MDGA2: variants seen among roughly 807,000 people sequenced by gnomAD.
The protein encoded by MDGA2 is MAM domain containing glycosylphosphatidylinositol anchor 2.
MDGA2 carries 40 observed loss-of-function variants against 117.8 expected under a neutral mutation model. The ratio of observed to expected loss-of-function variants is 0.34; its 90% CI spans 0.26 to 0.44. The LOEUF (loss-of-function observed/expected upper bound fraction) is 0.44. Ranked by LOEUF, MDGA2 falls within the 20% of genes least tolerant of loss-of-function variation. The probability of loss-of-function intolerance (pLI) is 1.00; values close to 1 mark genes in which losing one functional copy is unlikely to be tolerated. For missense variants in MDGA2, 1,123 were observed against 1,250.6 expected, an observed-to-expected ratio of 0.90 and a Z score of 1.54; for synonymous variants, 452 against 439.0, an observed-to-expected ratio of 1.03 and a Z score of -0.37.
chr14:47,269,206 AT>A (rs200987003), intron 2 of MDGA2, among the ~76,000 whole-genome samples: 1 of 150,670 alleles, frequency 6.6e-6, no homozygotes, highest in East Asian at 1.9e-4. Flanking sequence ...TTCCCTAAGC[AT>A]TTTTTTTTGG....
At chr14:47,130,547 G>A (rs1323509906) in intron 5 of MDGA2, among the ~76,000 whole-genome samples, 1 of 152,146 alleles carries the variant, frequency 6.6e-6, no homozygotes, top group Non-Finnish European at 1.5e-5. Flanking sequence ...ATGAACCAAT[G>A]TCATAGTTGA....
At chr14:47,360,415 T>C (rs1460767435) in intron 1 of MDGA2, among the ~76,000 whole-genome samples, 1 of 146,754 alleles carries the variant, frequency 6.8e-6, no homozygotes, top group Non-Finnish European at 1.5e-5. Context: ...AATTAAAAGA[T>C]GTGCAAAGGA....
At chr14:47,477,642 T>G (rs770500601) in intron 1 of MDGA2, among the ~76,000 whole-genome samples, 1 of 152,238 alleles carries the variant, frequency 6.6e-6, no homozygotes, top group African/African-American at 2.4e-5. Context: ...CCAAATTATA[T>G]GTAATATTTG....
intron 2 of MDGA2, among the ~76,000 whole-genome samples, chr14:47,281,639 A>G (rs543967623): frequency 6.6e-6 from 1 of 152,304 alleles, no homozygotes; most frequent in South Asian, 2.1e-4. Context: ...ACATATTTCA[A>G]CTAATGATTT....
At chr14:47,469,781 G>C (rs923046228) in intron 1 of MDGA2, among the ~76,000 whole-genome samples, 1 of 152,086 alleles carries the variant, frequency 6.6e-6, no homozygotes, top group Admixed American at 6.6e-5. Context: ...CAGTGTAAAA[G>C]TGTTCCTATT....
chr14:47,496,826 C>T (rs1299704507), intron 1 of MDGA2, among the ~76,000 whole-genome samples: 1 of 151,672 alleles, frequency 6.6e-6, no homozygotes, highest in Non-Finnish European at 1.5e-5. Flanking sequence ...CAATGGTCCC[C>T]AACCTTTCTG....
At chr14:47,028,161 C>G (rs992772487) in intron 8 of MDGA2, among the ~76,000 whole-genome samples, 4 of 152,018 alleles carry the variant, frequency 2.6e-5, no homozygotes, top group Non-Finnish European at 5.9e-5. Context: ...AAGTCATTAT[C>G]CTTATAGTGG....
At chr14:47,353,428 T>A (rs1238376732) in intron 1 of MDGA2, among the ~76,000 whole-genome samples, 1 of 152,184 alleles carries the variant, frequency 6.6e-6, no homozygotes, top group Non-Finnish European at 1.5e-5. Context: ...CTACCTCTCC[T>A]GCCTCAGTAA....
chr14:47,145,838 AC>A (rs1277782777), intron 3 of MDGA2, among the ~76,000 whole-genome samples: 1 of 152,144 alleles, frequency 6.6e-6, no homozygotes, highest in East Asian at 1.9e-4. Context: ...TAATAATATT[AC>A]TATCATTATT....
chr14:46,982,734 A>AAAAAAAAAAAATAATAAT (rs1449356596), intron 8 of MDGA2, among the ~76,000 whole-genome samples: 8 of 130,326 alleles, frequency 6.1e-5, no homozygotes, highest in Non-Finnish European at 1.2e-4. Context: ...AAAAAAAAAA[A>AAAAAAAAAAAATAATAAT]AATCATGTCA....
chr14:47,469,263 A>G (rs1488453095), intron 1 of MDGA2, among the ~76,000 whole-genome samples: 1 of 151,890 alleles, frequency 6.6e-6, no homozygotes. Flanking sequence ...CCATTAACTC[A>G]TCATTTAACA....
intron 1 of MDGA2, among the ~76,000 whole-genome samples, chr14:47,590,328 G>A (rs1896413004): frequency 6.6e-6 from 1 of 151,846 alleles, no homozygotes; most frequent in African/African-American, 2.4e-5. Context: ...GACATTTCAG[G>A]AGATGTAGTT....
chr14:47,119,287 A>G (rs191696791), intron 5 of MDGA2, among the ~76,000 whole-genome samples: 1 of 150,824 alleles, frequency 6.6e-6, no homozygotes. Flanking sequence ...GGATGGTCTC[A>G]ATCTCCTGGC....
chr14:47,549,577 T>C (rs983036783), intron 1 of MDGA2, among the ~76,000 whole-genome samples: 1 of 152,160 alleles, frequency 6.6e-6, no homozygotes, highest in African/African-American at 2.4e-5. Context: ...CTGACTATTA[T>C]GAACAAAATT....
At chr14:47,284,613 C>T (rs1040578024) in intron 2 of MDGA2, among the ~76,000 whole-genome samples, 1 of 152,116 alleles carries the variant, frequency 6.6e-6, no homozygotes, top group Non-Finnish European at 1.5e-5. Flanking sequence ...GAAATGTCCC[C>T]AACCTGATTT....
intron 1 of MDGA2, among the ~76,000 whole-genome samples, chr14:47,434,320 T>A (rs1892856063): frequency 6.6e-6 from 1 of 152,124 alleles, no homozygotes. Context: ...TATAGGTGTT[T>A]TGTGCTACTG....
chr14:47,540,818 A>G (rs2900009), intron 1 of MDGA2, among the ~76,000 whole-genome samples: 97,157 of 151,232 alleles, frequency 0.64, 32,008 homozygotes, highest in East Asian at 0.99. Context: ...TCCCAGCTTG[A>G]CCTCCCAAAG....
At chr14:47,653,660 G>A (rs1264587811) in intron 1 of MDGA2, among the ~76,000 whole-genome samples, 1 of 152,160 alleles carries the variant, frequency 6.6e-6, no homozygotes, top group African/African-American at 2.4e-5. Context: ...TGTAATTAAA[G>A]TTGCTAATCA....
At chr14:47,074,300 G>A (rs533189995) in intron 6 of MDGA2, among the ~76,000 whole-genome samples, 2 of 147,522 alleles carry the variant, frequency 1.4e-5, no homozygotes, top group South Asian at 4.3e-4. Flanking sequence ...ACCAGTAACA[G>A]AACTTTTTTT....
Sources: allele counts gnomAD v4.1 joint callset (sites outside exome capture counted in the v4.1 genomes callset), GRCh38; gene constraint gnomAD v4.1.1; transcripts MANE v1.5; gene names NCBI Gene and HGNC (gene_info 2026-07-23, HGNC 2026-07-21).